USH1C: variants seen among roughly 807,000 people sequenced by gnomAD.
USH1C encodes harmonin.
USH1C carries 90 observed loss-of-function variants against 119.3 expected under a neutral mutation model. The observed-to-expected ratio is 0.75, with a 90% CI of 0.64 to 0.90. USH1C has a LOEUF of 0.90. Ranked by LOEUF, USH1C falls within the 40% of genes least tolerant of loss-of-function variation. The probability of loss-of-function intolerance (pLI) is 0.00; values close to 1 mark genes in which losing one functional copy is unlikely to be tolerated. For synonymous variants in USH1C, 465 were observed against 443.3 expected (o/e 1.05, Z -0.62); for missense variants, 1,165 against 1,167.7 (o/e 1.00, Z 0.03).
At chr11:17,543,705 C>T (rs1053790415) in intron 1 of USH1C, among the ~76,000 whole-genome samples, 1 of 152,190 alleles carries the variant, frequency 6.6e-6, no homozygotes. Context: ...CTCAGTACCT[C>T]CTCCCTTCCT....
intron 24 of USH1C, among the ~76,000 whole-genome samples, chr11:17,497,364 G>T (rs546442314): frequency 4.1e-4 from 63 of 152,212 alleles, no homozygotes; most frequent in African/African-American, 8.2e-4. Flanking sequence ...CCTCTACCAT[G>T]AGCTGGTTCC....
rs10832796 is a variant in USH1C at position 17,501,091 on chromosome 11, G to A, written c.2340C>T (p.Val780=). 0.27 allele frequency: 433,699 copies of A among 1,613,060 alleles called. 61,333 individuals are homozygous for A. The highest frequency in any genetic ancestry group is 0.33 in the Middle Eastern group (1,975 of 6,060). The change falls in exon 23 of 27, where the codon GTC becomes GTT. Residue 780 remains valine (V), a synonymous_variant. Transcript: ENST00000005226. ...GGVDSPIGKV[V]VSAVYERGAA... ...CTCCCCGCTCATACACAGCAGAAACGACCACCTTCCCAATGGGGGAGTCCA... is the reference window on the plus strand; with the variant it reads ...CTCCCCGCTCATACACAGCAGAAACAACCACCTTCCCAATGGGGGAGTCCA...
At chr11:17,519,679 TGAATGTCAC>T (rs1850328422) in intron 14 of USH1C, among the ~76,000 whole-genome samples, 1 of 152,236 alleles carries the variant, frequency 6.6e-6, no homozygotes, top group African/African-American at 2.4e-5. Flanking sequence ...CAACTGATAC[TGAATGTCAC>T]GGGGGAGGCT....
chr11:17,501,113 T>C lies in USH1C; in HGVS notation c.2318A>G (p.Asp773Gly), dbSNP rs1849425474. 6 of 1,613,264 alleles carry C rather than the reference T, an allele frequency of 3.7e-6. No individual in the cohort carries two copies. The highest frequency in any genetic ancestry group is 5.1e-6 in the Non-Finnish European group (6 of 1,179,886). The change falls in exon 23 of 27, where the codon GAC (aspartate) becomes GGC (glycine). Residue 773 changes from aspartate (D) to glycine (G), a missense_variant. Transcript: ENST00000005226. ...SLDLALEGGV[D>G]SPIGKVVVSA... is the part of the protein sequence containing the mutation. ...AACGACCACCTTCCCAATGGGGGAG[T>C]CCACACCGCCTTCCAGGGCCAGGTC... is the stretch of plus-strand genomic sequence containing the variant.
At chr11:17,506,067 C>T in intron 18 of USH1C, 118 bp from the exon 19 acceptor site, 1 of 1,441,774 alleles carries the variant, frequency 6.9e-7, no homozygotes, top group Non-Finnish European at 9.6e-7. Flanking sequence ...CCAGCCTGGT[C>T]ATTCAACTGC....
At chr11:17,536,529 C>T (rs999311781) in intron 1 of USH1C, among the ~76,000 whole-genome samples, 1 of 152,218 alleles carries the variant, frequency 6.6e-6, no homozygotes, top group Non-Finnish European at 1.5e-5. Flanking sequence ...CCCTGAAGGT[C>T]CCGGGCTCCT....
Position 17,498,375 on chromosome 11 carries a change from A to C in USH1C, c.2381-104T>G, listed in dbSNP as rs1199665044. 5.6e-6 allele frequency: 6 copies of C among 1,080,862 alleles called. No individual in the cohort carries two copies. The South Asian group carries it at 7.5e-5, about 14-fold the overall frequency. 67.0% of individuals were successfully genotyped at this position (1,080,862 alleles called of 1,614,324 possible). A position where few individuals can be genotyped will look rare whatever the true frequency, so the allele number is the denominator to read the frequency against. On this transcript the variant is annotated intron_variant, in intron 23 of 26. Transcript: ENST00000005226. Reference sequence around the variant, plus strand: ...ATTGCCAGACAGCAGAAGAGACCTGAGCCTGGGTTCTGAAAGCTCATGTGG... The same window carrying C: ...ATTGCCAGACAGCAGAAGAGACCTGCGCCTGGGTTCTGAAAGCTCATGTGG...
rs1042900916 is a variant in USH1C at position 17,531,689 on chromosome 11, C to A, written c.105-147G>T. On this transcript the variant is annotated intron_variant, in intron 2 of 26. Transcript: ENST00000005226. The surrounding 1 kb of genome is among the most constrained non-coding windows in gnomAD (Gnocchi z 4.2). ...CTGAAAAGCCCAGAGCTCTTCACAC[C>A]GGGCCAGTGCCTGAGAAGACTTTGT... The A allele has an allele frequency of 5.0e-6, 5 of 1,005,014 alleles. No individual in the cohort carries two copies. Among genetic ancestry groups the A allele is most frequent in the South Asian group, 2.9e-5 (2 of 67,842 alleles). 62.3% of individuals were successfully genotyped at this position (1,005,014 alleles called of 1,614,324 possible). A position where few individuals can be genotyped will look rare whatever the true frequency, so the allele number is the denominator to read the frequency against.
intron 20 of USH1C, among the ~76,000 whole-genome samples, chr11:17,504,022 T>C (rs917334185): frequency 2.0e-5 from 3 of 152,154 alleles, no homozygotes; most frequent in African/African-American, 7.2e-5. Flanking sequence ...TGTCCTGGGG[T>C]TTCTTTCATT....
At chr11:17,544,206 C>T in intron 1 of USH1C, 66 bp downstream of exon 1, 1 of 1,605,462 alleles carries the variant, frequency 6.2e-7, no homozygotes, top group Non-Finnish European at 8.5e-7. Flanking sequence ...CCGGGGTGTC[C>T]ACCCCCTACC....
Position 17,527,235 on chromosome 11 carries a change from T to C in USH1C, c.484A>G (p.Ile162Val). The C allele has an allele frequency of 6.3e-7, 1 of 1,586,790 alleles. No individual in the cohort carries two copies. The highest frequency in any genetic ancestry group is 8.6e-7 in the Non-Finnish European group (1 of 1,163,472). The stretch of plus-strand genomic sequence containing the variant: ...TGGCCTCACTCACGTCTCACTTTGA[T>C]GGACACAGTTTTCTTGGTTCGAATG... ...NLIRTKKTVS[I>V]KVRHIGLIPV... The change falls in exon 5 of 27, where the codon ATC (isoleucine) becomes GTC (valine). Residue 162 changes from isoleucine to valine, a missense_variant. Coordinates refer to ENST00000005226, the MANE Select transcript of USH1C (RefSeq NM_153676.4).
At chr11:17,498,079 T>A in intron 24 of USH1C, 83 bp downstream of exon 24, 1 of 1,269,430 alleles carries the variant, frequency 7.9e-7, no homozygotes, top group Non-Finnish European at 1.1e-6. Context: ...GAATGAGGCA[T>A]CCTATTGTGA....
At chr11:17,535,585 C>T (rs907684621) in intron 1 of USH1C, among the ~76,000 whole-genome samples, 1 of 152,062 alleles carries the variant, frequency 6.6e-6, no homozygotes, top group South Asian at 2.1e-4. Context: ...TTTCTCGTGC[C>T]CAACACATAA....
Position 17,533,261 on chromosome 11 carries a change from T to C in USH1C, c.98A>G (p.Tyr33Cys). Residue 33 changes from tyrosine (Y) to cysteine (C), a missense_variant, in exon 2 of 27, where the codon TAC becomes TGC. By Grantham distance (194) the Tyr-to-Cys change is radical. Transcript: ENST00000005226. ...KDYLYDVLRM[Y>C]HQTMDVAVLV... The stretch of plus-strand genomic sequence containing the variant: ...CTGGACCCAGCACACTTACTGGTGG[T>C]ACATTCGCAGCACATCATAGAGATA... 1 of 1,613,754 alleles carries C rather than the reference T, an allele frequency of 6.2e-7. No individual in the cohort carries two copies. Among genetic ancestry groups the C allele is most frequent in the Non-Finnish European group, 8.5e-7 (1 of 1,179,746 alleles).
intron 1 of USH1C, among the ~76,000 whole-genome samples, chr11:17,542,633 C>T (rs148045598): frequency 2.1e-3 from 318 of 152,176 alleles, no homozygotes; most frequent in African/African-American, 7.1e-3. Context: ...ATGATTCTCA[C>T]AAAAAAGAGA....
intron 8 of USH1C, 120 bp downstream of exon 8, chr11:17,526,227 G>A: frequency 1.2e-6 from 1 of 810,982 alleles, no homozygotes; most frequent in South Asian, 1.4e-5. Context: ...ATCACCCATG[G>A]ACAGTCACAC....
In USH1C at chr11:17,496,749, C is replaced by T. The variant is rs1565016955; in HGVS notation, c.2546+9G>A. ...AGAGGTCTCAGGCTAGGTGCTTGCA[C>T]ACACTTACAGCTCATCGTCATACTC... On this transcript the variant is annotated intron_variant, in intron 25 of 26. Coordinates refer to ENST00000005226, the MANE Select transcript of USH1C (RefSeq NM_153676.4). The T allele has an allele frequency of 1.2e-6, 2 of 1,614,186 alleles. No homozygotes were observed. The highest frequency in any genetic ancestry group is 1.7e-6 in the Non-Finnish European group (2 of 1,180,008).
At chr11:17,533,201 C>T in intron 2 of USH1C, 54 bp downstream of exon 2, 1 of 1,426,078 alleles carries the variant, frequency 7.0e-7, no homozygotes, top group Non-Finnish European at 9.9e-7. Context: ...CCCAGGGCTC[C>T]CTGAAGACAA....
chr11:17,514,652 A>G lies in USH1C; in HGVS notation c.1260+1589T>C, dbSNP rs1393151234. 3 of 152,352 alleles carry G rather than the reference A, an allele frequency of 2.0e-5. No homozygotes were observed. The East Asian group carries it at 5.8e-4, about 29-fold the overall frequency. 9.4% of individuals were successfully genotyped at this position (152,352 alleles called of 1,614,324 possible). On this transcript the variant is annotated intron_variant, in intron 15 of 26. Transcript: ENST00000005226. ...CTAGAAAAAATGATGACGGGTTTTC[A>G]GAGCCAGTATGAGGGGCATGGTTCT...
Sources: gnomAD v4.1 joint callset for allele counts (sites outside exome capture counted in the v4.1 genomes callset) on GRCh38, gnomAD v4.1.1 for gene constraint, Gnocchi (gnomAD v3.1) non-coding constraint, MANE v1.5 for transcripts, NCBI Gene and HGNC (gene_info 2026-07-23, HGNC 2026-07-21) for gene names.